The following RIT2 variants were observed in gnomAD, a reference collection of about 807,000 sequenced individuals.
RIT2 encodes GTP-binding protein Rit2.
Under a neutral mutation model 23.7 loss-of-function variants are expected in RIT2, and 24 were observed. The observed-to-expected ratio is 1.01, with a 90% CI of 0.73 to 1.43. The LOEUF is 1.43. Ranked by LOEUF, RIT2 falls within the 40% of genes most tolerant of loss-of-function variation. RIT2 has a pLI of 0.00. For synonymous variants in RIT2, 107 were observed against 91.1 expected (o/e 1.17, Z -0.99); for missense variants, 236 against 266.9 (o/e 0.88, Z 0.81).
chr18:42,897,564 A>G (rs549342525), intron 4 of RIT2, among the ~76,000 whole-genome samples: 1 of 152,308 alleles, frequency 6.6e-6, no homozygotes, highest in South Asian at 2.1e-4. Context: ...TTGTTTATGT[A>G]TAAAGCACAA....
At chr18:42,913,358 A>G (rs926894360) in intron 4 of RIT2, among the ~76,000 whole-genome samples, 28 of 152,070 alleles carry the variant, frequency 1.8e-4, no homozygotes, top group South Asian at 1.0e-3. Context: ...CAAAGCCACA[A>G]TTCATAAGAG....
At chr18:42,847,016 C>T (rs545768520) in intron 4 of RIT2, among the ~76,000 whole-genome samples, 92 of 152,134 alleles carry the variant, frequency 6.0e-4, no homozygotes, top group Non-Finnish European at 1.0e-3. Flanking sequence ...TGCTGTATGT[C>T]GGTTACATAC....
chr18:43,115,424 A>T lies in RIT2; in HGVS notation c.96T>A (p.Gly32=), dbSNP rs1409112439. The part of the protein sequence containing the change: ...KVVMLGAGGV[G]KSAMTMQFIS... Reference sequence around the variant, plus strand: ...TTTGGTGTGAAAACTTACCGCTTTTACCAACTCCCCCTGCTCCCAGCATTA... The same window carrying T: ...TTTGGTGTGAAAACTTACCGCTTTTTCCAACTCCCCCTGCTCCCAGCATTA... The change falls in exon 1 of 5, where the codon GGT becomes GGA. Residue 32 remains glycine (G), a synonymous_variant. Coordinates refer to ENST00000326695, the MANE Select transcript of RIT2 (RefSeq NM_002930.4). The T allele has an allele frequency of 1.2e-6, 2 of 1,613,120 alleles. No individual in the cohort carries two copies. Among genetic ancestry groups the T allele is most frequent in the African/African-American group, 2.7e-5 (2 of 74,838 alleles).
intron 4 of RIT2, among the ~76,000 whole-genome samples, chr18:42,915,163 C>T: frequency 6.6e-6 from 1 of 151,388 alleles, no homozygotes; most frequent in Non-Finnish European, 1.5e-5. Flanking sequence ...CACACACACA[C>T]ACACACACAC....
At chr18:43,011,525 C>T (rs1176832744) in intron 2 of RIT2, among the ~76,000 whole-genome samples, 3 of 151,590 alleles carry the variant, frequency 2.0e-5, no homozygotes, top group African/African-American at 4.8e-5. Flanking sequence ...AAGTTTGGTA[C>T]AGAAGAATAA....
chr18:43,050,145 G>A (rs1264206130), intron 1 of RIT2, among the ~76,000 whole-genome samples: 2 of 151,320 alleles, frequency 1.3e-5, no homozygotes, highest in African/African-American at 4.9e-5. Context: ...TCCCACCTCA[G>A]CCTCTCTAGT....
chr18:42,995,670 TA>T (rs970578630), intron 2 of RIT2, among the ~76,000 whole-genome samples: 1 of 152,148 alleles, frequency 6.6e-6, no homozygotes, highest in Non-Finnish European at 1.5e-5. Context: ...GCCACCAACT[TA>T]AAAAGGACTG....
At chr18:43,000,727 C>T (rs116463130) in intron 2 of RIT2, among the ~76,000 whole-genome samples, 1 of 151,932 alleles carries the variant, frequency 6.6e-6, no homozygotes, top group African/African-American at 2.4e-5. Flanking sequence ...CTCCCACCCC[C>T]CTGCAGCCAT....
chr18:42,766,731 G>C, intron 4 of RIT2, among the ~76,000 whole-genome samples: 1 of 152,190 alleles, frequency 6.6e-6, no homozygotes, highest in East Asian at 1.9e-4. Flanking sequence ...TCCTATCACT[G>C]GCCTGGAGGC....
intron 2 of RIT2, among the ~76,000 whole-genome samples, chr18:42,998,520 T>C (rs1278062418): frequency 6.6e-6 from 1 of 152,132 alleles, no homozygotes; most frequent in Admixed American, 6.6e-5. Flanking sequence ...GATAACAAGC[T>C]GAATCTGATT....
Position 43,040,351 on chromosome 18 carries a change from T to C in RIT2, c.104-6484A>G, listed in dbSNP as rs543291011. Among the ~76,000 whole-genome samples, 17 of 152,332 alleles carry C rather than the reference T, an allele frequency of 1.1e-4. No homozygotes were observed. The East Asian group carries it at 3.3e-3, about 29-fold the overall frequency. On this transcript the variant is annotated intron_variant, in intron 1 of 4. Transcript: ENST00000326695. The stretch of plus-strand genomic sequence containing the variant: ...TAGCTCTGTCTTATAAAGAATTTAT[T>C]AGTGCGAAAGGCAAATGGCTGAACA...
At position 42,816,103 on chromosome 18, in the gene RIT2, G is replaced by T. The variant is rs189017056; in HGVS notation, c.427-72383C>A. 1.3e-3 allele frequency among the ~76,000 whole-genome samples: 196 copies of T among 151,940 alleles called. 2 individuals carry two copies. The highest frequency in any genetic ancestry group is 4.5e-3 in the African/African-American group (186 of 41,432). ...GAAATAACAATCCAGTCAGGACAATGGTGTGCCAGTAAATATTTAATAATC... is the reference window on the plus strand; with the variant it reads ...GAAATAACAATCCAGTCAGGACAATTGTGTGCCAGTAAATATTTAATAATC... On this transcript the variant is annotated intron_variant, in intron 4 of 4. Coordinates refer to ENST00000326695, the MANE Select transcript of RIT2 (RefSeq NM_002930.4).
At chr18:43,075,920 CT>C (rs754398705) in intron 1 of RIT2, among the ~76,000 whole-genome samples, 3 of 152,080 alleles carry the variant, frequency 2.0e-5, no homozygotes, top group Non-Finnish European at 4.4e-5. Context: ...TCCTTTCTGG[CT>C]TTAGTGAATA....
Position 42,766,271 on chromosome 18 carries a change from A to G in RIT2, c.427-22551T>C, listed in dbSNP as rs111313211. On this transcript the variant is annotated intron_variant, in intron 4 of 4. Coordinates refer to ENST00000326695, the MANE Select transcript of RIT2 (RefSeq NM_002930.4). ...AGAGATTTGTTGAATGGCTTTGCCC[A>G]AAATGCTGATAGTGATACGGACAAT... Among the ~76,000 whole-genome samples the G allele has an allele frequency of 5.7e-3, 868 of 152,308 alleles. 7 individuals carry two copies. Among genetic ancestry groups the G allele is most frequent in the African/African-American group, 0.02 (825 of 41,578 alleles).
intron 1 of RIT2, among the ~76,000 whole-genome samples, chr18:43,098,556 G>A (rs1913607979): frequency 6.6e-6 from 1 of 151,928 alleles, no homozygotes; most frequent in African/African-American, 2.4e-5. Flanking sequence ...ATAATTGTCA[G>A]CCTGGGTAGG....
At chr18:42,813,641 G>T (rs1266048549) in intron 4 of RIT2, among the ~76,000 whole-genome samples, 2 of 152,088 alleles carry the variant, frequency 1.3e-5, no homozygotes, top group Non-Finnish European at 2.9e-5. Context: ...TTCAGTAAAA[G>T]AAATAAATTC....
At chr18:42,995,572 C>T (rs1471957927) in intron 2 of RIT2, among the ~76,000 whole-genome samples, 41 of 151,636 alleles carry the variant, frequency 2.7e-4, no homozygotes, top group Non-Finnish European at 5.9e-5. Flanking sequence ...TGGTATTCAG[C>T]GAAACCTTTA....
At chr18:42,935,333 T>C (rs1322427508) in intron 3 of RIT2, among the ~76,000 whole-genome samples, 1 of 152,176 alleles carries the variant, frequency 6.6e-6, no homozygotes, top group East Asian at 1.9e-4. Flanking sequence ...ACAAGGACAC[T>C]GCTCAGTTAG....
chr18:42,995,313 C>T (rs1487680797), intron 2 of RIT2, among the ~76,000 whole-genome samples: 2 of 151,888 alleles, frequency 1.3e-5, no homozygotes, highest in East Asian at 3.9e-4. Context: ...AAGATTTGCC[C>T]CCACCCAGGA....
Sources: allele counts gnomAD v4.1 joint callset (sites outside exome capture counted in the v4.1 genomes callset), GRCh38; gene constraint gnomAD v4.1.1; transcripts MANE v1.5; gene names NCBI Gene and HGNC (gene_info 2026-07-23, HGNC 2026-07-21).